Variants in RAB3GAP1 observed in about 807,000 individuals in gnomAD.
The protein encoded by RAB3GAP1 is rab3 GTPase-activating protein catalytic subunit.
Under a neutral mutation model 130.7 loss-of-function variants are expected in RAB3GAP1, and 86 were observed. That is an observed-to-expected ratio of 0.66 (90% confidence interval 0.55 to 0.79). The LOEUF is 0.79. RAB3GAP1 is among the 30% of genes least tolerant of loss of function. RAB3GAP1 has a pLI of 0.00. For synonymous variants in RAB3GAP1, 367 were observed against 401.7 expected, an observed-to-expected ratio of 0.91 and a Z score of 1.03; for missense variants, 1,029 against 1,169.4, an observed-to-expected ratio of 0.88 and a Z score of 1.75.
chr2:135,059,829 A>G (rs1342575795), intron 3 of RAB3GAP1, among the ~76,000 whole-genome samples: 2 of 152,194 alleles, frequency 1.3e-5, no homozygotes, highest in Non-Finnish European at 2.9e-5. Context: ...CCTACTAGAT[A>G]GTAGTACATA....
Position 135,133,931 on chromosome 2 carries a change from T to C in RAB3GAP1, c.1397T>C (p.Met466Thr), listed in dbSNP as rs768259858. ...LTYKLALCLC[M>T]INFYHGGLKG... ...TACAAACTGGCTTTGTGTCTCTGTA[T>C]GATCAATTTTTACCATGGAGGGTTG... The change falls in exon 15 of 24, where the codon ATG becomes ACG. Residue 466 changes from methionine (M) to threonine (T), a missense_variant. By Grantham distance (81) the Met-to-Thr change is moderately conservative. Coordinates refer to ENST00000264158, the MANE Select transcript of RAB3GAP1 (RefSeq NM_012233.3). 1 of 1,613,966 alleles carries C rather than the reference T, an allele frequency of 6.2e-7. No individual in the cohort carries two copies. Among genetic ancestry groups the C allele is most frequent in the South Asian group, 1.1e-5 (1 of 91,078 alleles).
chr2:135,126,552 A>C lies in RAB3GAP1; in HGVS notation c.900-31A>C, dbSNP rs1420346628. On this transcript the variant is annotated intron_variant, in intron 10 of 23. Transcript: ENST00000264158. ...ATGAATCTTGCAGATTGTCATAATT[A>C]GGATTTTATATTTATTGGTTTGCAT... 5 of 1,551,400 alleles carry C rather than the reference A, an allele frequency of 3.2e-6. No individual in the cohort carries two copies. In the African/African-American group the frequency reaches 5.4e-5, roughly 17 times the overall value.
At chr2:135,070,707 A>T (rs1373459584) in intron 3 of RAB3GAP1, among the ~76,000 whole-genome samples, 1 of 152,008 alleles carries the variant, frequency 6.6e-6, no homozygotes, top group Non-Finnish European at 1.5e-5. Flanking sequence ...GGGTTTCTCC[A>T]TGTTGGTCAG....
At chr2:135,059,656 T>G (rs1689114002) in intron 3 of RAB3GAP1, among the ~76,000 whole-genome samples, 1 of 152,216 alleles carries the variant, frequency 6.6e-6, no homozygotes. Context: ...TTAGCTATTT[T>G]GAAATGTACA....
downstream of RAB3GAP1, among the ~76,000 whole-genome samples, chr2:135,170,995 G>T (rs1020911443): frequency 6.6e-6 from 1 of 152,068 alleles, no homozygotes; most frequent in African/African-American, 2.4e-5. Context: ...ATTGGGGCTT[G>T]CCCTCCCTTC....
intron 5 of RAB3GAP1, among the ~76,000 whole-genome samples, chr2:135,106,196 G>A (rs1475190704): frequency 2.0e-5 from 3 of 150,792 alleles, no homozygotes; most frequent in Admixed American, 6.6e-5. Flanking sequence ...GCCTCTGCCC[G>A]GCGGCCCCTT....
chr2:135,173,444 G>C (rs1278302211), downstream of RAB3GAP1, among the ~76,000 whole-genome samples: 1 of 152,096 alleles, frequency 6.6e-6, no homozygotes, highest in East Asian at 1.9e-4. Context: ...TCAAGAGGGT[G>C]GGAATTGATC....
At chr2:135,131,766 T>C (rs1691552916) in intron 13 of RAB3GAP1, among the ~76,000 whole-genome samples, 1 of 152,174 alleles carries the variant, frequency 6.6e-6, no homozygotes, top group African/African-American at 2.4e-5. Flanking sequence ...CCTTGCGAGA[T>C]TGTTGTGAGG....
chr2:135,171,682 G>A (rs759106710), downstream of RAB3GAP1, among the ~76,000 whole-genome samples: 21 of 152,152 alleles, frequency 1.4e-4, no homozygotes, highest in Non-Finnish European at 1.8e-4. Context: ...TATGTGCCAG[G>A]TACTGTTCTA....
chr2:135,126,617 G>C lies in RAB3GAP1; in HGVS notation c.934G>C (p.Val312Leu), dbSNP rs1250960042. ...TCCTATTCAAGCTCCACATTGGTCT[G>C]TTAGAGTTCGAAAAGCTGAGAATCC... Reference protein sequence around the residue: ...LDPIQAPHWSVRVRKAENPQC... With the variant: ...LDPIQAPHWSLRVRKAENPQC... Residue 312 changes from valine to leucine, a missense_variant, in exon 11 of 24, where the codon GTT becomes CTT. Around this residue, in one of 3 missense-constraint regions of RAB3GAP1, gnomAD observed 510 missense variants for 532.1 expected, o/e 0.96. Coordinates refer to ENST00000264158, the MANE Select transcript of RAB3GAP1 (RefSeq NM_012233.3). The C allele has an allele frequency of 5.0e-6, 8 of 1,613,286 alleles. No individual in the cohort carries two copies. The highest frequency in any genetic ancestry group is 2.7e-5 in the African/African-American group (2 of 74,904).
intron 17 of RAB3GAP1, chr2:135,137,309 G>T (rs13406241): frequency 0.019 from 4,456 of 236,622 alleles, 179 homozygotes; most frequent in African/African-American, 0.093. Context: ...GAGTATGATC[G>T]CTTAGGGTGT....
intron 3 of RAB3GAP1, among the ~76,000 whole-genome samples, chr2:135,075,637 GC>G (rs1259579515): frequency 7.2e-6 from 1 of 138,564 alleles, no homozygotes; most frequent in Non-Finnish European, 1.5e-5. Flanking sequence ...TTGCATGTTT[GC>G]CTTTTTTTTT....
At chr2:135,166,493 C>T (rs1692655906) in intron 23 of RAB3GAP1, among the ~76,000 whole-genome samples, 4 of 152,212 alleles carry the variant, frequency 2.6e-5, no homozygotes, top group Middle Eastern at 3.4e-3. Flanking sequence ...GAGCCACAGG[C>T]ATGCACCACC....
intron 7 of RAB3GAP1, among the ~76,000 whole-genome samples, chr2:135,116,163 CAT>C (rs1690965984): frequency 6.6e-6 from 1 of 152,170 alleles, no homozygotes; most frequent in East Asian, 1.9e-4. Flanking sequence ...AAACTGACAT[CAT>C]GTGTCGTGTG....
rs758257347 is a variant in RAB3GAP1, at chr2:135,162,732, A to G, written c.2387-16A>G. On this transcript the variant is annotated splice_polypyrimidine_tract_variant and intron_variant, in intron 20 of 23. Coordinates refer to ENST00000264158, the MANE Select transcript of RAB3GAP1 (RefSeq NM_012233.3). The stretch of plus-strand genomic sequence containing the variant: ...CTTAATTTATTTAATGCTGGCTTCA[A>G]TCTTTTCTAAAATAGAAAGTCTCGA... The G allele has an allele frequency of 1.7e-5, 27 of 1,609,462 alleles. No individual in the cohort carries two copies. In the African/African-American group the frequency reaches 2.1e-4, roughly 13 times the overall value.
chr2:135,055,995 C>G (rs1385853245), intron 2 of RAB3GAP1, among the ~76,000 whole-genome samples: 1 of 151,864 alleles, frequency 6.6e-6, no homozygotes, highest in African/African-American at 2.4e-5. Flanking sequence ...CGCCACCACG[C>G]CCGGCTAATT....
intron 17 of RAB3GAP1, among the ~76,000 whole-genome samples, chr2:135,146,204 T>C (rs1691988433): frequency 7.0e-6 from 1 of 143,682 alleles, no homozygotes. Flanking sequence ...TTGTTCTTTT[T>C]TTTTTTTTTT....
At chr2:135,099,936 A>G (rs1467273913) in intron 5 of RAB3GAP1, among the ~76,000 whole-genome samples, 1 of 152,176 alleles carries the variant, frequency 6.6e-6, no homozygotes, top group Admixed American at 6.5e-5. Context: ...ATCTCATCAG[A>G]AAGATAGGCA....
At chr2:135,165,237 T>C (rs1692603482) in intron 23 of RAB3GAP1, 1 of 438,538 alleles carries the variant, frequency 2.3e-6, no homozygotes, top group African/African-American at 2.1e-5. Flanking sequence ...TTTGAAAAAT[T>C]ATCATAACCA....
Sources: gnomAD v4.1 joint callset for allele counts (sites outside exome capture counted in the v4.1 genomes callset) on GRCh38, gnomAD v4.1.1 for gene constraint, gnomAD v4.1.1 regional missense constraint, MANE v1.5 for transcripts, NCBI Gene and HGNC (gene_info 2026-07-23, HGNC 2026-07-21) for gene names.